LINGO1: variants seen among roughly 807,000 people sequenced by gnomAD.
LINGO1 encodes leucine-rich repeat and immunoglobulin-like domain-containing nogo receptor-interacting protein 1.
In LINGO1, 11 loss-of-function variants were observed where a neutral mutation model predicts 37.3. That is an observed-to-expected ratio of 0.29 (90% CI 0.19 to 0.49). LINGO1 has a LOEUF of 0.49. LINGO1 is among the 20% of genes least tolerant of loss of function. The probability of loss-of-function intolerance (pLI) is 0.99; values close to 1 mark genes in which losing one functional copy is unlikely to be tolerated. For missense variants in LINGO1, 585 were observed against 878.2 expected (o/e 0.67, Z 4.22); for synonymous variants, 387 against 403.0 (o/e 0.96, Z 0.48).
chr15:77,763,422 A>G (rs1313857645), intron 1 of LINGO1, among the ~76,000 whole-genome samples: 1 of 151,988 alleles, frequency 6.6e-6, no homozygotes, highest in East Asian at 1.9e-4. Flanking sequence ...CCCTCTCCCC[A>G]GTCACTGGAC....
chr15:77,776,975 A>C (rs76224513), intron 1 of LINGO1, among the ~76,000 whole-genome samples: 1,580 of 152,294 alleles, frequency 0.01, 22 homozygotes, highest in African/African-American at 0.036. Flanking sequence ...CCTGGCTCTA[A>C]AGACTTTGCT....
intron 1 of LINGO1, chr15:77,820,136 C>G (rs1420151279): frequency 6.6e-6 from 1 of 152,094 alleles, no homozygotes; most frequent in African/African-American, 2.4e-5. Flanking sequence ...CCGCCGCCCC[C>G]TCCGCTCTCC....
chr15:77,769,981 A>T (rs1185757138), intron 1 of LINGO1, among the ~76,000 whole-genome samples: 1 of 152,180 alleles, frequency 6.6e-6, no homozygotes. Flanking sequence ...ATGGTGGGCC[A>T]GGACCTGGGG....
chr15:77,741,766 G>A (rs2076267119), intron 1 of LINGO1, among the ~76,000 whole-genome samples: 1 of 152,228 alleles, frequency 6.6e-6, no homozygotes. Flanking sequence ...AGGAAGCTCT[G>A]TGCAACCAGC....
upstream of LINGO1, among the ~76,000 whole-genome samples, chr15:77,791,081 T>C (rs2076815082): frequency 6.6e-6 from 1 of 152,182 alleles, no homozygotes; most frequent in African/African-American, 2.4e-5. Flanking sequence ...AGATGATTCC[T>C]GTCTCTAATA....
At chr15:77,795,860 C>G (rs11852404) in intron 2 of LINGO1, 29,451 of 152,286 alleles carry the variant, frequency 0.19, 2,998 homozygotes, top group African/African-American at 0.26. Context: ...TGAGGAAACC[C>G]CCAGAAAGAT....
chr15:77,702,540 A>G (rs1266728908), intron 2 of LINGO1, among the ~76,000 whole-genome samples: 2 of 152,168 alleles, frequency 1.3e-5, no homozygotes, highest in African/African-American at 2.4e-5. Flanking sequence ...ACAACATGCC[A>G]TGGCCTTCCT....
intron 1 of LINGO1, among the ~76,000 whole-genome samples, chr15:77,752,978 A>G (rs1293432433): frequency 6.6e-6 from 1 of 152,148 alleles, no homozygotes; most frequent in East Asian, 1.9e-4. Flanking sequence ...TGACTGCTCC[A>G]TCCTACAGGG....
At chr15:77,666,732 G>T (rs573369225) in intron 3 of LINGO1, among the ~76,000 whole-genome samples, 2 of 152,224 alleles carry the variant, frequency 1.3e-5, no homozygotes, top group Non-Finnish European at 2.9e-5. Flanking sequence ...CCATAGCATT[G>T]TTATGAAGAT....
chr15:77,680,414 A>G (rs1052764570), intron 2 of LINGO1, among the ~76,000 whole-genome samples: 7 of 152,332 alleles, frequency 4.6e-5, no homozygotes, highest in East Asian at 1.9e-4. Flanking sequence ...CTTGCTGCAT[A>G]TGTTGTTAGA....
At chr15:77,742,119 G>C (rs1231151872) in intron 1 of LINGO1, among the ~76,000 whole-genome samples, 2 of 152,234 alleles carry the variant, frequency 1.3e-5, no homozygotes, top group African/African-American at 4.8e-5. Context: ...CCAGGCAGAG[G>C]GGCCGCTCCC....
chr15:77,631,101 G>A (rs114910965), intron 1 of LINGO1, among the ~76,000 whole-genome samples: 2,757 of 152,290 alleles, frequency 0.018, 59 homozygotes, highest in African/African-American at 0.057. Context: ...GCTCTCTGCC[G>A]CCTGGGTGTC....
At chr15:77,638,706 G>C (rs2074442934), upstream of LINGO1, among the ~76,000 whole-genome samples, 1 of 152,180 alleles carries the variant, frequency 6.6e-6, no homozygotes, top group Non-Finnish European at 1.5e-5. Flanking sequence ...AGGCAGTCTT[G>C]GGTTCCAGTT....
At chr15:77,814,589 G>C (rs1394824904) in intron 1 of LINGO1, among the ~76,000 whole-genome samples, 2 of 152,204 alleles carry the variant, frequency 1.3e-5, no homozygotes, top group Non-Finnish European at 2.9e-5. Flanking sequence ...GCTAGTGGCT[G>C]CTTTACATGC....
chr15:77,718,064 A>C (rs2076006064), intron 2 of LINGO1, among the ~76,000 whole-genome samples: 1 of 150,812 alleles, frequency 6.6e-6, no homozygotes, highest in Admixed American at 6.6e-5. Context: ...GCTCATGAGC[A>C]GCTACAGAGA....
At chr15:77,750,121 G>C (rs920103125) in intron 1 of LINGO1, among the ~76,000 whole-genome samples, 5 of 151,876 alleles carry the variant, frequency 3.3e-5, no homozygotes, top group African/African-American at 1.2e-4. Context: ...TCAGAGCAGG[G>C]GCCACGTCCC....
intron 1 of LINGO1, among the ~76,000 whole-genome samples, chr15:77,817,274 C>G (rs555650685): frequency 9.2e-5 from 14 of 152,312 alleles, no homozygotes; most frequent in Admixed American, 2.0e-4. Context: ...AGGTGGGCCA[C>G]CTGGGGAGGA....
chr15:77,751,029 G>A lies in LINGO1; in HGVS notation c.-256-15976C>T, dbSNP rs374121723. 3.9e-5 allele frequency among the ~76,000 whole-genome samples: 6 copies of A among 152,192 alleles called. No individual in the cohort carries two copies. In the South Asian group the frequency reaches 8.3e-4, roughly 21 times the overall value. On this transcript the variant is annotated intron_variant, in intron 1 of 3. Transcript: ENST00000561686. ...AAGGGCAGCGTGGAGGGTATTCCGC[G>A]GACCATAACCTGCTTGAGGGCCTGA...
At chr15:77,679,378 C>T (rs1254521106) in intron 2 of LINGO1, among the ~76,000 whole-genome samples, 3 of 152,154 alleles carry the variant, frequency 2.0e-5, no homozygotes, top group African/African-American at 7.2e-5. Flanking sequence ...GGTATTTATT[C>T]CCCCAATACC....
Sources: gnomAD v4.1 joint callset for allele counts (sites outside exome capture counted in the v4.1 genomes callset) on GRCh38, gnomAD v4.1.1 for gene constraint, MANE v1.5 for transcripts, NCBI Gene and HGNC (gene_info 2026-07-23, HGNC 2026-07-21) for gene names.